The following PDS5B variants were observed in gnomAD, a reference collection of about 807,000 sequenced individuals.
The protein encoded by PDS5B is PDS5 cohesin associated factor B.
A neutral mutation model predicts 184.1 loss-of-function variants in PDS5B; 51 were observed. That is an observed-to-expected ratio of 0.28 (90% CI 0.22 to 0.35). The LOEUF is 0.35. PDS5B is among the 10% of genes least tolerant of loss of function. PDS5B has a pLI of 1.00. For synonymous variants in PDS5B, 566 were observed against 569.2 expected, an observed-to-expected ratio of 0.99 and a Z score of 0.08; for missense variants, 1,180 against 1,723.3, an observed-to-expected ratio of 0.68 and a Z score of 5.58.
chr13:32,620,414 T>A (rs1035748463), intron 1 of PDS5B, among the ~76,000 whole-genome samples: 1 of 151,836 alleles, frequency 6.6e-6, no homozygotes, highest in African/African-American at 2.4e-5. Context: ...TCCCAGCACT[T>A]TGGGAGGCCG....
At chr13:32,714,505 C>T (rs1177935910) in intron 19 of PDS5B, among the ~76,000 whole-genome samples, 2 of 152,192 alleles carry the variant, frequency 1.3e-5, no homozygotes, top group Non-Finnish European at 2.9e-5. Context: ...CTATGGGAGA[C>T]TGGAGTCTGT....
intron 21 of PDS5B, among the ~76,000 whole-genome samples, chr13:32,738,319 C>G (rs1489420857): frequency 6.6e-6 from 1 of 152,064 alleles, no homozygotes; most frequent in Non-Finnish European, 1.5e-5. Flanking sequence ...TTTGTTAAAA[C>G]TTATTTTTCT....
intron 11 of PDS5B, 134 bp downstream of exon 11, chr13:32,684,157 T>G (rs1246010072): frequency 2.5e-6 from 1 of 398,264 alleles, no homozygotes. Context: ...CATTTTAATA[T>G]TTAAAATTAC....
rs7335235 is a variant in PDS5B, at chr13:32,656,772, T to A, written c.313-1467T>A. Among the ~76,000 whole-genome samples the A allele has an allele frequency of 2.4e-3, 368 of 152,146 alleles. 2 individuals are homozygous for A. Among genetic ancestry groups the A allele is most frequent in the African/African-American group, 8.0e-3 (333 of 41,512 alleles). On this transcript the variant is annotated intron_variant, in intron 3 of 34. Coordinates refer to ENST00000315596, the MANE Select transcript of PDS5B (RefSeq NM_015032.4). ...CCACCATGCCTGGCTAATTTTCGTA[T>A]TTTTAGTAGAGATGGGGTTTTGCCA...
chr13:32,759,694 T>A lies in PDS5B; in HGVS notation c.3372+4T>A, dbSNP rs1023038990. Reference sequence around the variant, plus strand: ...ATCATTTTTCACTCCTGGAAAAGTATGTTTTGAGAATCATTTTAATTTTTA... The same window carrying A: ...ATCATTTTTCACTCCTGGAAAAGTAAGTTTTGAGAATCATTTTAATTTTTA... On this transcript the variant is annotated splice_donor_region_variant and intron_variant, in intron 29 of 34. Coordinates refer to ENST00000315596, the MANE Select transcript of PDS5B (RefSeq NM_015032.4). 6 of 1,504,922 alleles carry A rather than the reference T, an allele frequency of 4.0e-6. No homozygotes were observed. Among genetic ancestry groups the A allele is most frequent in the Non-Finnish European group, 5.5e-6 (6 of 1,093,186 alleles). The allele number at this position is 1,504,922 out of a possible 1,614,324, so 93.2% of individuals were successfully genotyped here.
At chr13:32,676,853 C>T (rs1951078020) in intron 9 of PDS5B, among the ~76,000 whole-genome samples, 1 of 145,986 alleles carries the variant, frequency 6.8e-6, no homozygotes, top group Non-Finnish European at 1.5e-5. Context: ...ATGGCCTGAA[C>T]CCGGGAGGTG....
intron 7 of PDS5B, among the ~76,000 whole-genome samples, chr13:32,672,206 A>G (rs1593390838): frequency 1.3e-5 from 2 of 152,226 alleles, no homozygotes; most frequent in Admixed American, 1.3e-4. Flanking sequence ...AAAAAATTAC[A>G]TATTTCAAAC....
intron 30 of PDS5B, among the ~76,000 whole-genome samples, chr13:32,762,169 A>G (rs987767602): frequency 3.9e-5 from 6 of 152,206 alleles, no homozygotes; most frequent in Non-Finnish European, 8.8e-5. Flanking sequence ...GAGAAAAACA[A>G]AAGGAAAATT....
At chr13:32,622,073 G>A (rs1189985121) in intron 1 of PDS5B, among the ~76,000 whole-genome samples, 1 of 151,112 alleles carries the variant, frequency 6.6e-6, no homozygotes, top group Non-Finnish European at 1.5e-5. Context: ...GGGCTATTTA[G>A]ATGCATTCTC....
At chr13:32,737,583 G>A (rs1024451142) in intron 21 of PDS5B, among the ~76,000 whole-genome samples, 1 of 152,110 alleles carries the variant, frequency 6.6e-6, no homozygotes, top group Admixed American at 6.5e-5. Context: ...GTAGCTGTCT[G>A]TTGCCTTCAA....
intron 13 of PDS5B, chr13:32,688,862 T>C: frequency 3.0e-6 from 1 of 334,298 alleles, no homozygotes; most frequent in Non-Finnish European, 5.6e-6. Flanking sequence ...CCTATTCTTT[T>C]TTATTTGTTT....
At chr13:32,652,640 A>G (rs1566286966) in intron 3 of PDS5B, 2 of 151,090 alleles carry the variant, frequency 1.3e-5, no homozygotes, top group East Asian at 3.9e-4. Context: ...CTGTAATCCC[A>G]TAACTACTTG....
rs1954731300 is a variant in PDS5B at position 32,770,163 on chromosome 13, A to G, written c.3667A>G (p.Thr1223Ala). The part of the protein sequence containing the change: ...KPRGRKKTPV[T>A]EQEEKLGMDD... The stretch of plus-strand genomic sequence containing the variant: ...TAGAGGCAGGAAAAAAACGCCCGTC[A>G]CAGAACAGGAGGAGAAATTAGGTAT... The change falls in exon 32 of 35, where the codon ACA (threonine) becomes GCA (alanine). Residue 1223 changes from threonine (T) to alanine (A), a missense_variant. Thr to Ala is a moderately conservative substitution (Grantham distance 58). Transcript: ENST00000315596. The G allele has an allele frequency of 6.2e-7, 1 of 1,613,802 alleles. No homozygotes were observed. The highest frequency in any genetic ancestry group is 1.3e-5 in the African/African-American group (1 of 74,880).
chr13:32,767,907 A>G (rs1014634491), intron 31 of PDS5B, among the ~76,000 whole-genome samples: 5 of 152,244 alleles, frequency 3.3e-5, no homozygotes, highest in Non-Finnish European at 5.9e-5. Flanking sequence ...ATACATAATT[A>G]TACTTAGTAA....
Position 32,684,072 on chromosome 13 carries a change from A to G in PDS5B, c.1203+49A>G, listed in dbSNP as rs1951321024. 11 of 938,070 alleles carry G rather than the reference A, an allele frequency of 1.2e-5. No homozygotes were observed. The East Asian group carries it at 3.0e-4, about 26-fold the overall frequency. The allele number at this position is 938,070 out of a possible 1,614,324, so 58.1% of individuals were successfully genotyped here. On this transcript the variant is annotated intron_variant, in intron 11 of 34. Coordinates refer to ENST00000315596, the MANE Select transcript of PDS5B (RefSeq NM_015032.4). Reference sequence around the variant, plus strand: ...ACTAAGTTTTCATTTTTAATACTTGAAGTTTAACAATATTTGAAAATATAT... The same window carrying G: ...ACTAAGTTTTCATTTTTAATACTTGGAGTTTAACAATATTTGAAAATATAT...
intron 2 of PDS5B, 95 bp downstream of exon 2, chr13:32,648,975 A>T (rs1950296374): frequency 5.5e-6 from 4 of 721,456 alleles, no homozygotes; most frequent in Non-Finnish European, 7.5e-6. Flanking sequence ...GGGGTAACTT[A>T]AAAAAGCAAA....
At position 32,735,157 on chromosome 13, in the gene PDS5B, T is replaced by A. The variant is rs1953286676; in HGVS notation, c.2248-15T>A. ...TGTGTAGAGTTGAAATATATTTTCC[T>A]CCCCTCATTTTCAGCCTCTGCATAA... On this transcript the variant is annotated splice_polypyrimidine_tract_variant and intron_variant, in intron 20 of 34. Transcript: ENST00000315596. 1 of 1,513,092 alleles carries A rather than the reference T, an allele frequency of 6.6e-7. No individual in the cohort carries two copies. The highest frequency in any genetic ancestry group is 8.9e-7 in the Non-Finnish European group (1 of 1,125,586). 93.7% of individuals were successfully genotyped at this position (1,513,092 alleles called of 1,614,324 possible).
rs545213241 is a variant in PDS5B at position 32,775,956 on chromosome 13, G to A, written c.*904G>A. ...TGTGTATAGATATTTCCTCTTGAAC[G>A]TTATGTTCAGAAAATGCAAATTACA... On this transcript the variant is annotated 3_prime_UTR_variant, in exon 35 of 35. Coordinates refer to ENST00000315596, the MANE Select transcript of PDS5B (RefSeq NM_015032.4). 364 of 191,846 alleles carry A rather than the reference G, an allele frequency of 1.9e-3. 4 individuals are homozygous for A. The highest frequency in any genetic ancestry group is 8.7e-3 in the South Asian group (100 of 11,470). The allele number at this position is 191,846 out of a possible 1,614,324, so 11.9% of individuals were successfully genotyped here.
At chr13:32,686,792 G>T (rs1951405968) in intron 11 of PDS5B, among the ~76,000 whole-genome samples, 1 of 99,958 alleles carries the variant, frequency 1.0e-5, no homozygotes, top group Non-Finnish European at 2.0e-5. Flanking sequence ...AAAAATGCAT[G>T]AACAAAAATT....
Sources: gnomAD v4.1 joint callset for allele counts (sites outside exome capture counted in the v4.1 genomes callset) on GRCh38, gnomAD v4.1.1 for gene constraint, MANE v1.5 for transcripts, NCBI Gene and HGNC (gene_info 2026-07-23, HGNC 2026-07-21) for gene names.